Variants in CSMD1 observed in about 807,000 individuals in gnomAD.
CSMD1 encodes the protein CUB and Sushi multiple domains 1, also known as CUB and sushi domain-containing protein 1.
In CSMD1, 213 loss-of-function variants were observed where a neutral mutation model predicts 417.5. That is an observed-to-expected ratio of 0.51 (90% confidence interval 0.46 to 0.57). The LOEUF (loss-of-function observed/expected upper bound fraction) is 0.57, where lower values mean the gene tolerates loss of function less well. Ranked by LOEUF, CSMD1 falls within the 20% of genes least tolerant of loss-of-function variation. The probability of loss-of-function intolerance (pLI) is 0.00; values close to 1 mark genes in which losing one functional copy is unlikely to be tolerated. For synonymous variants in CSMD1, 2,862 were observed against 1,736.8 expected (o/e 1.65, Z -16.11); for missense variants, 6,923 against 4,529.7 (o/e 1.53, Z -15.17).
chr8:3,014,716 C>A (rs551501164), intron 52 of CSMD1, among the ~76,000 whole-genome samples: 43 of 152,218 alleles, frequency 2.8e-4, no homozygotes, highest in Middle Eastern at 3.4e-3. Flanking sequence ...AGTTCGTGAC[C>A]AGCCTGGGCA....
At chr8:3,712,781 G>A (rs1238362379) in intron 6 of CSMD1, among the ~76,000 whole-genome samples, 2 of 152,128 alleles carry the variant, frequency 1.3e-5, no homozygotes, top group Non-Finnish European at 2.9e-5. Flanking sequence ...TGTCTGTTGG[G>A]TAAGGTGATT....
intron 37 of CSMD1, among the ~76,000 whole-genome samples, chr8:3,171,379 A>G (rs760998081): frequency 9.2e-5 from 14 of 152,108 alleles, no homozygotes; most frequent in Non-Finnish European, 1.8e-4. Flanking sequence ...CCTTTTTAAC[A>G]CTCAAAACTT....
At chr8:3,681,979 G>T (rs1799689037) in intron 7 of CSMD1, among the ~76,000 whole-genome samples, 1 of 152,152 alleles carries the variant, frequency 6.6e-6, no homozygotes, top group African/African-American at 2.4e-5. Flanking sequence ...GGGAAAACTG[G>T]CTAGCCATAT....
rs1007996980 is a variant in CSMD1 at position 3,275,594 on chromosome 8, A to G, written c.4153+8550T>C. On this transcript the variant is annotated intron_variant, in intron 26 of 69. Coordinates refer to ENST00000635120, the MANE Select transcript of CSMD1 (RefSeq NM_033225.6). Reference sequence around the variant, plus strand: ...TCAGACGTAGATTCAGTCTTTTCACATAGTCCCATATTTCTTGGAGGCTTT... The same window carrying G: ...TCAGACGTAGATTCAGTCTTTTCACGTAGTCCCATATTTCTTGGAGGCTTT... 2.6e-5 allele frequency among the ~76,000 whole-genome samples: 4 copies of G among 152,162 alleles called. 1 individual carries two copies. Among genetic ancestry groups the G allele is most frequent in the Admixed American group, 1.3e-4 (2 of 15,284 alleles).
intron 6 of CSMD1, among the ~76,000 whole-genome samples, chr8:3,725,005 G>A (rs1287169736): frequency 6.6e-6 from 1 of 152,172 alleles, no homozygotes; most frequent in East Asian, 1.9e-4. Context: ...ATTTTATACA[G>A]CTATAAACGT....
At chr8:3,203,845 A>G (rs887734647) in intron 31 of CSMD1, among the ~76,000 whole-genome samples, 60 of 152,266 alleles carry the variant, frequency 3.9e-4, no homozygotes, top group African/African-American at 1.3e-3. Flanking sequence ...ATCGCTTCGC[A>G]TTTTCAGCCT....
chr8:3,786,067 G>C (rs1463918961), intron 5 of CSMD1, among the ~76,000 whole-genome samples: 2 of 152,078 alleles, frequency 1.3e-5, no homozygotes. Context: ...AGGTGAGAAT[G>C]AGCAGGCCTC....
intron 10 of CSMD1, among the ~76,000 whole-genome samples, chr8:3,549,051 C>G (rs1798798814): frequency 6.6e-6 from 1 of 152,188 alleles, no homozygotes; most frequent in Admixed American, 6.5e-5. Flanking sequence ...GAAGCCATCC[C>G]TGATATCAAC....
At chr8:4,162,915 T>C (rs2552090) in intron 3 of CSMD1, among the ~76,000 whole-genome samples, 2,099 of 152,244 alleles carry the variant, frequency 0.014, 48 homozygotes, top group African/African-American at 0.046. Flanking sequence ...TCCAACCCTT[T>C]GCAACCACTG....
intron 3 of CSMD1, among the ~76,000 whole-genome samples, chr8:4,129,372 G>C (rs1802958699): frequency 6.6e-6 from 1 of 151,936 alleles, no homozygotes; most frequent in Non-Finnish European, 1.5e-5. Flanking sequence ...CAGTTTCCTT[G>C]ACCACCTCCA....
intron 5 of CSMD1, among the ~76,000 whole-genome samples, chr8:3,923,017 G>C (rs959758984): frequency 1.3e-5 from 2 of 152,130 alleles, no homozygotes; most frequent in African/African-American, 4.8e-5. Context: ...TTATATGTTA[G>C]TTATTGAAAA....
chr8:4,605,314 G>A (rs1416842982), intron 2 of CSMD1, among the ~76,000 whole-genome samples: 1 of 152,068 alleles, frequency 6.6e-6, no homozygotes, highest in Non-Finnish European at 1.5e-5. Flanking sequence ...TCACAGGGTG[G>A]GTTCTCTTGA....
intron 3 of CSMD1, among the ~76,000 whole-genome samples, chr8:4,256,818 G>C (rs1174560851): frequency 2.0e-5 from 3 of 152,180 alleles, no homozygotes; most frequent in Non-Finnish European, 4.4e-5. Flanking sequence ...ATAAAGTCGA[G>C]TTATGAGCAA....
chr8:4,388,040 C>T (rs1170024034), intron 3 of CSMD1, among the ~76,000 whole-genome samples: 1 of 152,094 alleles, frequency 6.6e-6, no homozygotes, highest in African/African-American at 2.4e-5. Context: ...TTACCACATT[C>T]CTGATGAATG....
At position 3,628,399 on chromosome 8, in the gene CSMD1, G is replaced by A. The variant is rs1027927169; in HGVS notation, c.1010-11602C>T. 3.9e-5 allele frequency among the ~76,000 whole-genome samples: 6 copies of A among 152,222 alleles called. No homozygotes were observed. In the South Asian group the frequency reaches 1.0e-3, roughly 26 times the overall value. ...TACCAGAGCACAGGCCCGTAGTCAT[G>A]GGGACTTGGCCCAAATAGGGCAAGG... On this transcript the variant is annotated intron_variant, in intron 7 of 69. Transcript: ENST00000635120.
chr8:3,683,282 T>C (rs1221329216), intron 7 of CSMD1, among the ~76,000 whole-genome samples: 1 of 152,030 alleles, frequency 6.6e-6, no homozygotes, highest in Non-Finnish European at 1.5e-5. Context: ...GAATAGCCTG[T>C]GGACCCAGAA....
intron 3 of CSMD1, among the ~76,000 whole-genome samples, chr8:4,246,553 G>C (rs748512669): frequency 6.6e-5 from 10 of 152,050 alleles, no homozygotes; most frequent in Admixed American, 3.3e-4. Context: ...TGTTTCATGA[G>C]GGTTTTCTTT....
chr8:3,915,821 T>G (rs1211243394), intron 5 of CSMD1, among the ~76,000 whole-genome samples: 1 of 147,140 alleles, frequency 6.8e-6, no homozygotes, highest in Non-Finnish European at 1.5e-5. Flanking sequence ...GTATGCATTT[T>G]GGGGTTTAAC....
At chr8:3,733,502 C>A (rs561920917) in intron 6 of CSMD1, among the ~76,000 whole-genome samples, 1 of 151,892 alleles carries the variant, frequency 6.6e-6, no homozygotes. Context: ...CCACGGTCAA[C>A]CGCGTTCTGA....
Sources: gnomAD v4.1 joint callset for allele counts (sites outside exome capture counted in the v4.1 genomes callset) on GRCh38, gnomAD v4.1.1 for gene constraint, MANE v1.5 for transcripts, NCBI Gene and HGNC (gene_info 2026-07-23, HGNC 2026-07-21) for gene names.